The following EXOSC10 variants were observed in gnomAD, a reference collection of about 807,000 sequenced individuals.
The protein encoded by EXOSC10 is exosome component 10.
EXOSC10 carries 94 observed loss-of-function variants against 126.6 expected under a neutral mutation model. The observed-to-expected ratio is 0.74, with a 90% CI of 0.63 to 0.88. EXOSC10 has a LOEUF of 0.88. Among genes scored for constraint, EXOSC10 ranks in the 40% least tolerant of loss-of-function variants. EXOSC10 has a pLI of 0.00. For synonymous variants in EXOSC10, 395 were observed against 400.8 expected, an observed-to-expected ratio of 0.99 and a Z score of 0.17; for missense variants, 1,041 against 1,100.5, an observed-to-expected ratio of 0.95 and a Z score of 0.77.
chr1:11,099,273 G>A (rs1229411055), intron 1 of EXOSC10, among the ~76,000 whole-genome samples: 3 of 152,226 alleles, frequency 2.0e-5, no homozygotes, highest in Non-Finnish European at 2.9e-5. Context: ...TTAACTCAGG[G>A]TTAAAAATTA....
chr1:11,074,037 GCT>G, intron 18 of EXOSC10, 29 bp from the exon 19 acceptor site: 1 of 1,597,910 alleles, frequency 6.3e-7, no homozygotes, highest in Non-Finnish European at 8.6e-7. Flanking sequence ...TGTGTGAAAC[GCT>G]GCCGGGAACG....
chr1:11,091,020 G>A lies in EXOSC10; in HGVS notation c.637C>T (p.Pro213Ser), dbSNP rs773474927. 5 of 1,613,718 alleles carry A rather than the reference G, an allele frequency of 3.1e-6. No homozygotes were observed. The highest frequency in any genetic ancestry group is 4.2e-6 in the Non-Finnish European group (5 of 1,179,870). The part of the protein sequence containing the change: ...FIKPNAQKPL[P>S]QALSKERRER... ...CAAAGTATGCACTATTTACCTTGAG[G>A]GAGAGGTTTCTGAGCATTGGGTTTG... is the stretch of plus-strand genomic sequence containing the variant. The change falls in exon 5 of 25, where the codon CCT becomes TCT. Residue 213 changes from proline to serine, a missense_variant. Physicochemically the swap from Pro to Ser is moderately conservative, Grantham distance 74. Transcript: ENST00000376936.
At chr1:11,091,275 G>A (rs1472832210) in intron 4 of EXOSC10, 96 bp from the exon 5 acceptor site, 19 of 1,210,836 alleles carry the variant, frequency 1.6e-5, no homozygotes, top group East Asian at 4.7e-5. Context: ...CAAGAACATC[G>A]CAAAGGTCAT....
intron 3 of EXOSC10, among the ~76,000 whole-genome samples, chr1:11,093,471 T>G (rs916387873): frequency 6.6e-6 from 1 of 152,154 alleles, no homozygotes; most frequent in African/African-American, 2.4e-5. Flanking sequence ...GCTGAAAGAT[T>G]TGTAGGCATT....
At chr1:11,074,137 A>T (rs1354670797) in intron 18 of EXOSC10, 94 bp downstream of exon 18, 2 of 1,382,162 alleles carry the variant, frequency 1.4e-6, no homozygotes, top group Non-Finnish European at 2.1e-6. Context: ...GGCAGCCGAC[A>T]CACTGGCTTC....
chr1:11,088,694 T>C (rs1368865829), intron 6 of EXOSC10, among the ~76,000 whole-genome samples: 1 of 152,228 alleles, frequency 6.6e-6, no homozygotes, highest in Admixed American at 6.5e-5. Flanking sequence ...CTGCCTTTCA[T>C]GGCCTTTGTT....
rs149349714 is a variant in EXOSC10 at position 11,076,919 on chromosome 1, G to C, written c.1909C>G (p.Leu637Val). Residue 637 changes from leucine (L) to valine (V), a missense_variant, in exon 17 of 25, where the codon CTC (leucine) becomes GTC (valine). Around this residue, in one of 3 missense-constraint regions of EXOSC10, gnomAD observed 388 missense variants for 415.2 expected, o/e 0.93. Coordinates refer to ENST00000376936, the MANE Select transcript of EXOSC10 (RefSeq NM_001001998.3). ...GSVPVQKQAS[L>V]FPDEKEDNLL... The stretch of plus-strand genomic sequence containing the variant: ...TTATCTTCTTTTTCATCAGGGAAGA[G>C]GCTCGCCTGCTTCTGAACTGGCACA... 6.2e-7 allele frequency: 1 copy of C among 1,613,908 alleles called. No homozygotes were observed. The highest frequency in any genetic ancestry group is 1.7e-5 in the Admixed American group (1 of 60,016).
At chr1:11,091,890 C>T (rs984178183) in intron 3 of EXOSC10, among the ~76,000 whole-genome samples, 7 of 151,982 alleles carry the variant, frequency 4.6e-5, no homozygotes, top group South Asian at 2.1e-4. Flanking sequence ...GGGTTTCACC[C>T]GGTTGGCCAG....
chr1:11,075,853 CAAAAAAAAAAAAAAAAAAA>C (rs58667041), intron 17 of EXOSC10, among the ~76,000 whole-genome samples: 1 of 35,122 alleles, frequency 2.8e-5, no homozygotes, highest in East Asian at 8.4e-4. Context: ...GATCCTGTCA[CAAAAAAAAAAAAAAAAAAA>C]AAAAAAAAAA....
At chr1:11,076,353 A>C (rs1639816546) in intron 17 of EXOSC10, among the ~76,000 whole-genome samples, 1 of 152,136 alleles carries the variant, frequency 6.6e-6, no homozygotes, top group Non-Finnish European at 1.5e-5. Context: ...CTCAAAAAAA[A>C]AAAAAATCAT....
intron 6 of EXOSC10, 96 bp from the exon 7 acceptor site, chr1:11,088,294 A>G: frequency 2.5e-6 from 2 of 791,764 alleles, no homozygotes; most frequent in Non-Finnish European, 4.0e-6. Context: ...AACAAATGAG[A>G]AAAGACCACT....
intron 17 of EXOSC10, 100 bp downstream of exon 17, chr1:11,076,742 C>A (rs1300512786): frequency 1.1e-6 from 1 of 928,764 alleles, no homozygotes; most frequent in Non-Finnish European, 1.7e-6. Flanking sequence ...CAGCATTAGT[C>A]TCCGAGTGTA....
At chr1:11,081,416 C>G (rs555895321) in intron 10 of EXOSC10, among the ~76,000 whole-genome samples, 178 bp from the exon 11 acceptor site, 37 of 152,328 alleles carry the variant, frequency 2.4e-4, no homozygotes, top group Admixed American at 7.2e-4. Context: ...ATTATTTTAA[C>G]AGCTGGGTAG....
At position 11,098,120 on chromosome 1, in the gene EXOSC10, A is replaced by T; in HGVS notation, c.148T>A (p.Ser50Thr). ...TCGCCAAACTGTGGTAGGCCCCCAG[A>T]TGCCTTGGTGACTGCCACCACGGAC... ...LGSVVAVTKA[S>T]GGLPQFGDEY... is the part of the protein sequence containing the mutation. The change falls in exon 2 of 25, where the codon TCT becomes ACT. Residue 50 changes from serine (S) to threonine (T), a missense_variant. Ser to Thr is a moderately conservative substitution (Grantham distance 58). Transcript: ENST00000376936. 1 of 1,612,604 alleles carries T rather than the reference A, an allele frequency of 6.2e-7. No homozygotes were observed. Among genetic ancestry groups the T allele is most frequent in the Non-Finnish European group, 8.5e-7 (1 of 1,179,622 alleles).
At chr1:11,075,451 T>C (rs928129364) in intron 17 of EXOSC10, among the ~76,000 whole-genome samples, 3 of 152,082 alleles carry the variant, frequency 2.0e-5, no homozygotes, top group African/African-American at 7.2e-5. Flanking sequence ...AACACAAGAG[T>C]GCAGGGAGAC....
At chr1:11,073,354 GA>G (rs1379615075) in intron 19 of EXOSC10, among the ~76,000 whole-genome samples, 1 of 152,036 alleles carries the variant, frequency 6.6e-6, no homozygotes, top group Admixed American at 6.5e-5. Context: ...GGATGGTTTC[GA>G]TCTCCTGACC....
chr1:11,067,068 G>A (rs970688201), intron 24 of EXOSC10, among the ~76,000 whole-genome samples: 19 of 152,210 alleles, frequency 1.2e-4, no homozygotes, highest in Non-Finnish European at 2.2e-4. Flanking sequence ...AGGCCAAGGC[G>A]GGAGGATCAA....
In EXOSC10 at chr1:11,077,638, G is replaced by T; in HGVS notation, c.1763C>A (p.Ala588Asp). 6.2e-7 allele frequency: 1 copy of T among 1,609,892 alleles called. No individual in the cohort carries two copies. The highest frequency in any genetic ancestry group is 8.5e-7 in the Non-Finnish European group (1 of 1,176,628). Residue 588 changes from alanine (A) to aspartate (D), a missense_variant, in exon 15 of 25, where the codon GCC (alanine) becomes GAC (aspartate). Ala to Asp is a moderately radical substitution (Grantham distance 126). Transcript: ENST00000376936. Reference protein sequence around the residue: ...EMPLLKSEVAAGVKKSGPLPS... With the variant: ...EMPLLKSEVADGVKKSGPLPS... ...CAGCGGTCCGCTCTTCTTCACTCCG[G>T]CTGCAACTTCAGACTAAGGAAAAAA...
intron 24 of EXOSC10, among the ~76,000 whole-genome samples, chr1:11,067,654 A>G (rs1639184153): frequency 6.6e-6 from 1 of 152,128 alleles, no homozygotes; most frequent in Non-Finnish European, 1.5e-5. Context: ...GATAACCCAC[A>G]TGTGCTTACT....
Sources: gnomAD v4.1 joint callset for allele counts (sites outside exome capture counted in the v4.1 genomes callset) on GRCh38, gnomAD v4.1.1 for gene constraint, gnomAD v4.1.1 regional missense constraint, MANE v1.5 for transcripts, NCBI Gene and HGNC (gene_info 2026-07-23, HGNC 2026-07-21) for gene names.